IRF2: variants seen among roughly 807,000 people sequenced by gnomAD.
IRF2 encodes the protein interferon regulatory factor 2.
In IRF2, 15 loss-of-function variants were observed where a neutral mutation model predicts 40.6. The ratio of observed to expected loss-of-function variants is 0.37; its 90% confidence interval spans 0.25 to 0.57. The LOEUF (loss-of-function observed/expected upper bound fraction) is 0.57. Ranked by LOEUF, IRF2 falls within the 20% of genes least tolerant of loss-of-function variation. The pLI is 0.77. For synonymous variants in IRF2, 151 were observed against 165.5 expected, an observed-to-expected ratio of 0.91 and a Z score of 0.67; for missense variants, 317 against 455.7, an observed-to-expected ratio of 0.70 and a Z score of 2.77.
chr4:184,405,774 G>A (rs1043446131), intron 6 of IRF2, among the ~76,000 whole-genome samples: 2 of 152,198 alleles, frequency 1.3e-5, no homozygotes, highest in African/African-American at 4.8e-5. Flanking sequence ...CGAGGCAGCG[G>A]CAGCCAGGGA....
chr4:184,462,940 A>C (rs1739195707), intron 1 of IRF2, among the ~76,000 whole-genome samples: 3 of 152,274 alleles, frequency 2.0e-5, no homozygotes, highest in Admixed American at 2.0e-4. Context: ...TAGGTCTTAA[A>C]GGTGTCAAAC....
intron 1 of IRF2, among the ~76,000 whole-genome samples, chr4:184,461,364 G>C (rs1002525062): frequency 6.6e-6 from 1 of 152,048 alleles, no homozygotes; most frequent in Non-Finnish European, 1.5e-5. Flanking sequence ...TTAGCACTGC[G>C]GCTTCCCCTA....
At chr4:184,420,054 G>A (rs964824388) in intron 2 of IRF2, among the ~76,000 whole-genome samples, 1 of 152,150 alleles carries the variant, frequency 6.6e-6, no homozygotes, top group African/African-American at 2.4e-5. Flanking sequence ...TTTTGGTAGA[G>A]ATGGGGTTTT....
chr4:184,432,681 T>C (rs1215582428), intron 1 of IRF2, among the ~76,000 whole-genome samples: 1 of 152,124 alleles, frequency 6.6e-6, no homozygotes, highest in Non-Finnish European at 1.5e-5. Context: ...GATGTCCTTA[T>C]AAGAAGAGGG....
intron 1 of IRF2, among the ~76,000 whole-genome samples, chr4:184,439,231 A>G (rs979423815): frequency 1.3e-5 from 2 of 151,638 alleles, no homozygotes; most frequent in Non-Finnish European, 2.9e-5. Flanking sequence ...CTCCAAATAC[A>G]TCATAACCCA....
intron 6 of IRF2, 126 bp from the exon 7 acceptor site, chr4:184,399,205 A>T: frequency 1.0e-6 from 1 of 965,308 alleles, no homozygotes. Flanking sequence ...GTCCCCTGCC[A>T]TGGGGCTGAA....
intron 1 of IRF2, among the ~76,000 whole-genome samples, chr4:184,457,939 T>C (rs1487401296): frequency 6.6e-6 from 1 of 152,224 alleles, no homozygotes; most frequent in Non-Finnish European, 1.5e-5. Flanking sequence ...GAGATATTTG[T>C]GGCCACCAGG....
At chr4:184,407,584 T>C (rs1471037337) in intron 6 of IRF2, among the ~76,000 whole-genome samples, 6 of 152,236 alleles carry the variant, frequency 3.9e-5, no homozygotes, top group African/African-American at 1.4e-4. Flanking sequence ...TTACCACACA[T>C]GGTAACACTG....
intron 1 of IRF2, among the ~76,000 whole-genome samples, chr4:184,464,979 G>T (rs921988677): frequency 5.3e-5 from 8 of 152,044 alleles, no homozygotes; most frequent in South Asian, 4.1e-4. Flanking sequence ...AAGGGTCAAG[G>T]TTTAGGGGCC....
At chr4:184,462,253 A>C (rs1739173879) in intron 1 of IRF2, among the ~76,000 whole-genome samples, 1 of 152,210 alleles carries the variant, frequency 6.6e-6, no homozygotes, top group African/African-American at 2.4e-5. Context: ...AGCAGCTGGG[A>C]ATTTCGCTGC....
At chr4:184,415,573 C>A (rs940432526) in intron 5 of IRF2, among the ~76,000 whole-genome samples, 4 of 152,214 alleles carry the variant, frequency 2.6e-5, no homozygotes, top group Admixed American at 6.5e-5. Context: ...GCCTTTCAAT[C>A]CATTACGTGT....
At chr4:184,441,255 T>C (rs1214289517) in intron 1 of IRF2, among the ~76,000 whole-genome samples, 2 of 152,202 alleles carry the variant, frequency 1.3e-5, no homozygotes, top group East Asian at 3.9e-4. Flanking sequence ...CACTATCCAG[T>C]AGACATTTTG....
Position 184,436,641 on chromosome 4 carries a change from G to A in IRF2, c.-6-7571C>T, listed in dbSNP as rs1738090287. Among the ~76,000 whole-genome samples, 3 of 152,184 alleles carry A rather than the reference G, an allele frequency of 2.0e-5. No individual in the cohort carries two copies. The South Asian group carries it at 6.2e-4, about 32-fold the overall frequency. On this transcript the variant is annotated intron_variant, in intron 1 of 8. Transcript: ENST00000393593. ...GGTAAAGGAAGACCTTAATGGATGG[G>A]GAGGTGCTGTCTAGGCAGGGAGAAG...
chr4:184,435,707 C>T (rs1315073692), intron 1 of IRF2, among the ~76,000 whole-genome samples: 1 of 152,114 alleles, frequency 6.6e-6, no homozygotes, highest in Non-Finnish European at 1.5e-5. Flanking sequence ...TTGACACACT[C>T]AGGTGACTGA....
At chr4:184,427,715 T>C (rs574902286) in intron 2 of IRF2, among the ~76,000 whole-genome samples, 2 of 152,212 alleles carry the variant, frequency 1.3e-5, no homozygotes, top group Admixed American at 6.5e-5. Flanking sequence ...ATTTGAAAGA[T>C]ATCTGAAAAG....
Position 184,467,419 on chromosome 4 carries a change from G to A in IRF2, c.-7+6960C>T, listed in dbSNP as rs965624209. Among the ~76,000 whole-genome samples, 3 of 151,932 alleles carry A rather than the reference G, an allele frequency of 2.0e-5. No homozygotes were observed. In the East Asian group the frequency reaches 5.8e-4, roughly 29 times the overall value. On this transcript the variant is annotated intron_variant, in intron 1 of 8. Coordinates refer to ENST00000393593, the MANE Select transcript of IRF2 (RefSeq NM_002199.4). The stretch of plus-strand genomic sequence containing the variant: ...GCCTCCCATTGCTATCCTTTCACCC[G>A]ACACACCCATCATATCTAGGTGTTA...
rs775016948 is a variant in IRF2 at position 184,413,085 on chromosome 4, G to A, written c.412-4810C>T. Among the ~76,000 whole-genome samples the A allele has an allele frequency of 1.6e-4, 25 of 152,148 alleles. No individual in the cohort carries two copies. Among genetic ancestry groups the A allele is most frequent in the Non-Finnish European group, 2.2e-4 (15 of 68,036 alleles). On this transcript the variant is annotated intron_variant, in intron 5 of 8. Coordinates refer to ENST00000393593, the MANE Select transcript of IRF2 (RefSeq NM_002199.4). The surrounding 1 kb of genome is among the most constrained non-coding windows in gnomAD (Gnocchi z 4.2). ...AACGCCGGGGCCTCCTCTTTAGGCC[G>A]CTCTTATCTGCATCCTCCGTACCCT...
chr4:184,409,728 T>C (rs1176057248), intron 5 of IRF2, among the ~76,000 whole-genome samples: 6 of 152,004 alleles, frequency 3.9e-5, no homozygotes, highest in Admixed American at 3.3e-4. Flanking sequence ...ACCCTGTCTC[T>C]ACAAAAAATG....
At chr4:184,398,845 T>C (rs574629020) in intron 7 of IRF2, 70 bp downstream of exon 7, 1 of 1,419,366 alleles carries the variant, frequency 7.0e-7, no homozygotes, top group African/African-American at 1.4e-5. Flanking sequence ...GGTGGTGAGA[T>C]GGGTGACCCT....
Sources: gnomAD v4.1 joint callset for allele counts (sites outside exome capture counted in the v4.1 genomes callset) on GRCh38, gnomAD v4.1.1 for gene constraint, Gnocchi (gnomAD v3.1) non-coding constraint, MANE v1.5 for transcripts, NCBI Gene and HGNC (gene_info 2026-07-23, HGNC 2026-07-21) for gene names.